The following NIPBL variants were observed in gnomAD, a reference collection of about 807,000 sequenced individuals.
The protein encoded by NIPBL is NIPBL cohesin loading factor.
A neutral mutation model predicts 321.8 loss-of-function variants in NIPBL; 19 were observed. The observed-to-expected ratio is 0.06, with a 90% CI of 0.04 to 0.09. NIPBL has a LOEUF of 0.09. Ranked by LOEUF, NIPBL falls within the 10% of genes least tolerant of loss-of-function variation. NIPBL has a pLI of 1.00. For synonymous variants in NIPBL, 1,106 were observed against 1,114.1 expected, an observed-to-expected ratio of 0.99 and a Z score of 0.14; for missense variants, 2,210 against 3,327.0, an observed-to-expected ratio of 0.66 and a Z score of 8.26.
chr5:37,061,328 G>C (rs986527797), intron 45 of NIPBL, among the ~76,000 whole-genome samples: 2 of 152,108 alleles, frequency 1.3e-5, no homozygotes, highest in Non-Finnish European at 2.9e-5. Flanking sequence ...CGGGAAATTG[G>C]TTCCAGTCCC....
In NIPBL at chr5:36,976,181, A is replaced by G; in HGVS notation, c.1274A>G (p.Gln425Arg). 1 of 1,612,940 alleles carries G rather than the reference A, an allele frequency of 6.2e-7. No individual in the cohort carries two copies. Among genetic ancestry groups the G allele is most frequent in the Non-Finnish European group, 8.5e-7 (1 of 1,179,326 alleles). Residue 425 changes from glutamine to arginine, a missense_variant, in exon 9 of 47, where the codon CAA becomes CGA. Gln to Arg is a conservative substitution (Grantham distance 43). Coordinates refer to ENST00000282516, the MANE Select transcript of NIPBL (RefSeq NM_133433.4). ...NAAQCLSQQE[Q>R]TAFLPANQVP... ...GCTCAATGTTTGTCGCAGCAAGAACAAACAGCATTCCTTCCAGCAAATCAA... is the reference window on the plus strand; with the variant it reads ...GCTCAATGTTTGTCGCAGCAAGAACGAACAGCATTCCTTCCAGCAAATCAA...
At chr5:37,019,082 G>A (rs542033707) in intron 24 of NIPBL, among the ~76,000 whole-genome samples, 4 of 152,192 alleles carry the variant, frequency 2.6e-5, no homozygotes, top group African/African-American at 7.2e-5. Context: ...CAGCCTGGGC[G>A]ACAGAGTGAA....
intron 11 of NIPBL, among the ~76,000 whole-genome samples, chr5:36,998,944 A>G (rs999879354): frequency 1.3e-5 from 2 of 152,284 alleles, no homozygotes; most frequent in East Asian, 1.9e-4. Flanking sequence ...ATTTATATCC[A>G]TTTACATTTG....
chr5:36,937,464 G>A (rs538341996), intron 1 of NIPBL, among the ~76,000 whole-genome samples: 8 of 151,956 alleles, frequency 5.3e-5, no homozygotes, highest in Non-Finnish European at 1.0e-4. Flanking sequence ...CCATACCGTT[G>A]GAGATCTGTG....
intron 24 of NIPBL, 107 bp downstream of exon 24, chr5:37,017,269 T>G: frequency 8.7e-7 from 1 of 1,150,398 alleles, no homozygotes; most frequent in Non-Finnish European, 1.2e-6. Context: ...AAATAAGATT[T>G]TTACTTCTAA....
chr5:36,970,513 AAAC>A lies in NIPBL; in HGVS notation c.611-358_611-356del, dbSNP rs1442462686. ...TCATCTATATAAAATTATAATGTAA[AAAC>A]AACACAATGAATTACTTAGGAATAT... On this transcript the variant is annotated intron_variant, in intron 6 of 46. Transcript: ENST00000282516. Among the ~76,000 whole-genome samples the A allele has an allele frequency of 2.6e-5, 4 of 151,502 alleles. No homozygotes were observed. The South Asian group carries it at 6.2e-4, about 24-fold the overall frequency.
intron 21 of NIPBL, among the ~76,000 whole-genome samples, chr5:37,013,144 G>A (rs1389711438): frequency 6.7e-6 from 1 of 149,728 alleles, no homozygotes; most frequent in Non-Finnish European, 1.5e-5. Context: ...TCACCTCCCG[G>A]ACGGGGCGGC....
chr5:36,950,068 A>G (rs1740099819), intron 1 of NIPBL, among the ~76,000 whole-genome samples: 1 of 152,020 alleles, frequency 6.6e-6, no homozygotes, highest in Admixed American at 6.6e-5. Flanking sequence ...TAGTATTACA[A>G]CAGTTAAATT....
At chr5:36,974,851 A>G (rs1010546645) in intron 8 of NIPBL, among the ~76,000 whole-genome samples, 3 of 152,098 alleles carry the variant, frequency 2.0e-5, no homozygotes, top group African/African-American at 7.2e-5. Flanking sequence ...CAATTTTTAC[A>G]ATTTCTTACA....
At chr5:36,896,885 C>T (rs1746786713) in intron 1 of NIPBL, among the ~76,000 whole-genome samples, 1 of 152,116 alleles carries the variant, frequency 6.6e-6, no homozygotes, top group South Asian at 2.1e-4. Flanking sequence ...CAGGCTTGAC[C>T]CACCACACCT....
intron 1 of NIPBL, among the ~76,000 whole-genome samples, chr5:36,896,276 C>T (rs1746729478): frequency 6.6e-6 from 1 of 152,164 alleles, no homozygotes; most frequent in Non-Finnish European, 1.5e-5. Context: ...AATTTTATTC[C>T]ATCAGTCCAT....
rs886043120 is a variant in NIPBL, at chr5:36,975,924, T to C, written c.1017T>C (p.Ser339=). ...MKLGKDEKEQ[S]EKAAMYDIIS... ...TAGGCAAGGATGAAAAAGAGCAGAG[T>C]GAGAAAGCGGCAATGTATGATATAA... The change falls in exon 9 of 47, where the codon AGT becomes AGC. Residue 339 remains serine, a synonymous_variant. Coordinates refer to ENST00000282516, the MANE Select transcript of NIPBL (RefSeq NM_133433.4). 2.5e-6 allele frequency: 4 copies of C among 1,613,390 alleles called. No individual in the cohort carries two copies. The highest frequency in any genetic ancestry group is 3.4e-6 in the Non-Finnish European group (4 of 1,179,670).
intron 4 of NIPBL, 25 bp from the exon 5 acceptor site, chr5:36,961,459 T>C: frequency 7.8e-7 from 1 of 1,284,156 alleles, no homozygotes; most frequent in Non-Finnish European, 1.1e-6. Flanking sequence ...GAAAATAACG[T>C]TCTGTATTTT....
intron 45 of NIPBL, among the ~76,000 whole-genome samples, chr5:37,063,491 G>T (rs1226242655): frequency 2.0e-5 from 3 of 152,152 alleles, no homozygotes; most frequent in Non-Finnish European, 4.4e-5. Context: ...CTAACCCATT[G>T]CCTGTTTTTG....
intron 1 of NIPBL, among the ~76,000 whole-genome samples, chr5:36,889,818 T>C (rs1016241475): frequency 2.0e-5 from 3 of 152,130 alleles, no homozygotes; most frequent in Non-Finnish European, 2.9e-5. Context: ...TTTCCTGATA[T>C]GTTAAGCTTA....
chr5:36,950,850 A>G (rs536752059), intron 1 of NIPBL, among the ~76,000 whole-genome samples: 17 of 152,274 alleles, frequency 1.1e-4, no homozygotes, highest in Admixed American at 5.2e-4. Context: ...TAGGAACGCT[A>G]TTTCTTGATG....
intron 14 of NIPBL, 56 bp downstream of exon 14, chr5:37,001,134 C>G (rs1580438673): frequency 8.6e-7 from 1 of 1,159,232 alleles, no homozygotes; most frequent in East Asian, 2.3e-5. Flanking sequence ...ACTGTATCCT[C>G]TAGAGTAACT....
At chr5:37,058,548 A>T (rs1754335808) in intron 43 of NIPBL, among the ~76,000 whole-genome samples, 1 of 152,226 alleles carries the variant, frequency 6.6e-6, no homozygotes, top group African/African-American at 2.4e-5. Context: ...CAGTTAAATT[A>T]TAATTACTGC....
chr5:36,885,394 G>A, intron 1 of NIPBL: 1 of 452,880 alleles, frequency 2.2e-6, no homozygotes, highest in Non-Finnish European at 4.3e-6. Context: ...CCAGGGGCCT[G>A]GCCAAGTGGA....
Sources: gnomAD v4.1 joint callset for allele counts (sites outside exome capture counted in the v4.1 genomes callset) on GRCh38, gnomAD v4.1.1 for gene constraint, MANE v1.5 for transcripts, NCBI Gene and HGNC (gene_info 2026-07-23, HGNC 2026-07-21) for gene names.